The following GAREM1 variants were observed in gnomAD, a reference collection of about 807,000 sequenced individuals.
The protein encoded by GAREM1 is GRB2 associated regulator of MAPK1 subtype 1.
Under a neutral mutation model 71.3 loss-of-function variants are expected in GAREM1, and 26 were observed. The observed-to-expected ratio is 0.36, with a 90% CI of 0.27 to 0.51. The LOEUF is 0.51. Among genes scored for constraint, GAREM1 ranks in the 20% least tolerant of loss-of-function variants. GAREM1 has a pLI of 0.95. For synonymous variants in GAREM1, 440 were observed against 433.2 expected (o/e 1.02, Z -0.20); for missense variants, 1,026 against 1,103.1 (o/e 0.93, Z 0.99).
chr18:32,324,408 CCACAGAGGAGAGA>C (rs1460975333), intron 2 of GAREM1, among the ~76,000 whole-genome samples: 14 of 152,266 alleles, frequency 9.2e-5, no homozygotes, highest in African/African-American at 3.4e-4. Context: ...ACCAGTGGGA[CCACAGAGGAGAGA>C]CAATAATACA....
chr18:32,271,032 G>A (rs2041454869), intron 4 of GAREM1, among the ~76,000 whole-genome samples: 1 of 149,328 alleles, frequency 6.7e-6, no homozygotes, highest in South Asian at 2.2e-4. Flanking sequence ...TCAGCTTCCC[G>A]AGAGGTGGGA....
At chr18:32,336,352 C>T (rs1459471229) in intron 2 of GAREM1, among the ~76,000 whole-genome samples, 1 of 151,430 alleles carries the variant, frequency 6.6e-6, no homozygotes, top group Non-Finnish European at 1.5e-5. Context: ...ATGGCGTGAA[C>T]CCGGGAGGTG....
intron 1 of GAREM1, among the ~76,000 whole-genome samples, chr18:32,448,645 A>G (rs2048805532): frequency 6.8e-6 from 1 of 147,884 alleles, no homozygotes; most frequent in African/African-American, 2.5e-5. Flanking sequence ...TACTATACAT[A>G]TGTGTTTATA....
chr18:32,356,129 G>C (rs2047802171), intron 2 of GAREM1, among the ~76,000 whole-genome samples: 1 of 152,146 alleles, frequency 6.6e-6, no homozygotes, highest in African/African-American at 2.4e-5. Context: ...AGAAAGGAAT[G>C]AATCACCATG....
At chr18:32,343,024 C>G (rs1328739579) in intron 2 of GAREM1, among the ~76,000 whole-genome samples, 2 of 152,234 alleles carry the variant, frequency 1.3e-5, no homozygotes, top group Non-Finnish European at 2.9e-5. Flanking sequence ...GACAGTCAGT[C>G]TCCCTGTATC....
Position 32,383,715 on chromosome 18 carries a change from G to A in GAREM1, c.262+9180C>T, listed in dbSNP as rs891231448. On this transcript the variant is annotated intron_variant, in intron 2 of 5. Transcript: ENST00000269209. ...TTTGAACTGGCGTTAGCCCTTTCAAGTAACCAACTTTCCACTGAGTACCTA... is the reference window on the plus strand; with the variant it reads ...TTTGAACTGGCGTTAGCCCTTTCAAATAACCAACTTTCCACTGAGTACCTA... 3.9e-5 allele frequency among the ~76,000 whole-genome samples: 6 copies of A among 152,262 alleles called. No homozygotes were observed. The East Asian group carries it at 1.2e-3, about 29-fold the overall frequency.
At chr18:32,378,225 C>A (rs1197824072) in intron 2 of GAREM1, among the ~76,000 whole-genome samples, 6 of 152,046 alleles carry the variant, frequency 3.9e-5, no homozygotes, top group Non-Finnish European at 8.8e-5. Context: ...CTTGGCAGGG[C>A]ATGGTGGCTC....
Position 32,470,346 on chromosome 18 carries a change from C to T in GAREM1, c.83G>A (p.Ser28Asn). 6.4e-7 allele frequency: 1 copy of T among 1,568,584 alleles called. No individual in the cohort carries two copies. The highest frequency in any genetic ancestry group is 8.6e-7 in the Non-Finnish European group (1 of 1,159,728). ...CGCGATCTGGGGCAGCCGGTAAGTG[C>T]TGACCAGGAGGTCGAGCGGCACGGC... ...SVAVPLDLLV[S>N]TYRLPQIARL... Residue 28 changes from serine to asparagine, a missense_variant, in exon 1 of 6, where the codon AGC (serine) becomes AAC (asparagine). This residue lies in a region of GAREM1 where 172 missense variants were observed against 175.2 expected (regional missense o/e 0.98). Coordinates refer to ENST00000269209, the MANE Select transcript of GAREM1 (RefSeq NM_001242409.2). The surrounding 1 kb of genome is among the most constrained non-coding windows in gnomAD (Gnocchi z 4.4).
chr18:32,393,089 A>G (rs1240448287), intron 1 of GAREM1, 54 bp from the exon 2 acceptor site: 8 of 1,540,504 alleles, frequency 5.2e-6, no homozygotes, highest in Admixed American at 3.5e-5. Flanking sequence ...TGCTTTCTCC[A>G]TACTTTGCAA....
intron 1 of GAREM1, among the ~76,000 whole-genome samples, chr18:32,438,450 C>T (rs1035987347): frequency 1.3e-5 from 2 of 152,230 alleles, no homozygotes; most frequent in Non-Finnish European, 2.9e-5. Context: ...GGCAGCTGAA[C>T]CCACTGTCAA....
intron 2 of GAREM1, among the ~76,000 whole-genome samples, chr18:32,391,535 A>T (rs1269879918): frequency 8.5e-5 from 13 of 152,208 alleles, no homozygotes; most frequent in Admixed American, 8.5e-4. Flanking sequence ...GGATGAAGCA[A>T]TGTAGCAATT....
rs554406578 is a variant in GAREM1 at position 32,272,061 on chromosome 18, G to T, written c.1567-1678C>A. Reference sequence around the variant, plus strand: ...CACCTTCACTTTCAATTCCTTTCTGGCCAAGCAGCTCTGGGATAAGACAAT... The same window carrying T: ...CACCTTCACTTTCAATTCCTTTCTGTCCAAGCAGCTCTGGGATAAGACAAT... On this transcript the variant is annotated intron_variant, in intron 4 of 5. Coordinates refer to ENST00000269209, the MANE Select transcript of GAREM1 (RefSeq NM_001242409.2). Among the ~76,000 whole-genome samples, 3 of 152,178 alleles carry T rather than the reference G, an allele frequency of 2.0e-5. No homozygotes were observed. In the East Asian group the frequency reaches 5.8e-4, roughly 29 times the overall value.
chr18:32,313,649 G>C (rs2047347422), intron 2 of GAREM1, among the ~76,000 whole-genome samples: 1 of 152,200 alleles, frequency 6.6e-6, no homozygotes, highest in African/African-American at 2.4e-5. Context: ...CAACGATGGG[G>C]TAGTGGGTGA....
chr18:32,396,172 C>A (rs1328794355), intron 1 of GAREM1, among the ~76,000 whole-genome samples: 1 of 152,060 alleles, frequency 6.6e-6, no homozygotes, highest in Non-Finnish European at 1.5e-5. Context: ...TATGTCACCA[C>A]CATCAAAGAC....
chr18:32,310,448 C>T (rs625361), intron 2 of GAREM1, 125 bp from the exon 3 acceptor site: 189,784 of 917,582 alleles, frequency 0.21, 23,705 homozygotes, highest in African/African-American at 0.5. Flanking sequence ...CATCATTAAT[C>T]TTTTTAAAAA....
chr18:32,355,506 C>G (rs1262345132), intron 2 of GAREM1, among the ~76,000 whole-genome samples: 1 of 152,114 alleles, frequency 6.6e-6, no homozygotes, highest in African/African-American at 2.4e-5. Flanking sequence ...ATTTTACACT[C>G]ATGTTTCAGA....
At chr18:32,381,305 T>C (rs184975088) in intron 2 of GAREM1, among the ~76,000 whole-genome samples, 1 of 110,668 alleles carries the variant, frequency 9.0e-6, no homozygotes, top group Admixed American at 8.2e-5. Context: ...AAGAGGTTTT[T>C]TGTTGTTGTT....
intron 1 of GAREM1, among the ~76,000 whole-genome samples, chr18:32,461,858 C>T (rs1337369886): frequency 5.3e-5 from 8 of 152,084 alleles, no homozygotes; most frequent in Admixed American, 5.2e-4. Context: ...ATGAGTCTTC[C>T]TAGAACCGGC....
At chr18:32,375,831 C>G (rs992949648) in intron 2 of GAREM1, among the ~76,000 whole-genome samples, 1 of 152,128 alleles carries the variant, frequency 6.6e-6, no homozygotes, top group African/African-American at 2.4e-5. Flanking sequence ...ATGGCCATCC[C>G]AGAGCAAAAA....
Sources: gnomAD v4.1 joint callset for allele counts (sites outside exome capture counted in the v4.1 genomes callset) on GRCh38, gnomAD v4.1.1 for gene constraint, gnomAD v4.1.1 regional missense constraint, Gnocchi (gnomAD v3.1) non-coding constraint, MANE v1.5 for transcripts, NCBI Gene and HGNC (gene_info 2026-07-23, HGNC 2026-07-21) for gene names.